The following PCDHA8 variants were observed in gnomAD, a reference collection of about 807,000 sequenced individuals.
PCDHA8 encodes protocadherin alpha-8.
In PCDHA8, 53 loss-of-function variants were observed where a neutral mutation model predicts 61.8. The observed-to-expected ratio is 0.86, with a 90% confidence interval of 0.69 to 1.08. The LOEUF (loss-of-function observed/expected upper bound fraction) is 1.08. Among genes scored for constraint, PCDHA8 ranks in the 50% least tolerant of loss-of-function variants. The pLI, the probability that PCDHA8 is intolerant of heterozygous loss-of-function variation, is 0.00. For missense variants in PCDHA8, 1,293 were observed against 1,245.0 expected (o/e 1.04, Z -0.58); for synonymous variants, 618 against 556.6 (o/e 1.11, Z -1.55).
rs2150496669 is a variant in PCDHA8 at position 140,850,740 on chromosome 5, T to A, written c.2394+7025T>A. 3.1e-6 allele frequency: 5 copies of A among 1,597,562 alleles called. 1 individual carries two copies. The highest frequency in any genetic ancestry group is 3.4e-6 in the Non-Finnish European group (4 of 1,167,476). On this transcript the variant is annotated intron_variant, in intron 1 of 3. Coordinates refer to ENST00000531613, the MANE Select transcript of PCDHA8 (RefSeq NM_018911.3). Reference sequence around the variant, plus strand: ...GTGTTCTAGCGCGGTGGGGAGTTGGTCGTACTCGCAGCAGAGGAGGCAGAG... The same window carrying A: ...GTGTTCTAGCGCGGTGGGGAGTTGGACGTACTCGCAGCAGAGGAGGCAGAG...
rs1554164208 is a variant in PCDHA8 at position 140,870,406 on chromosome 5, T to G, written c.2394+26691T>G. ...GCGGGATGGGGGTTCGCCTTCTCTG[T>G]GGGCCACGGCCAGGGTATCCGTGGA... On this transcript the variant is annotated intron_variant, in intron 1 of 3. Transcript: ENST00000531613. 1.2e-5 allele frequency: 20 copies of G among 1,614,192 alleles called. No individual in the cohort carries two copies. The highest frequency in any genetic ancestry group is 1.5e-5 in the Non-Finnish European group (18 of 1,180,034).
At chr5:140,876,532 T>C in intron 1 of PCDHA8, 4 of 1,614,158 alleles carry the variant, frequency 2.5e-6, no homozygotes, top group Middle Eastern at 1.6e-4. Context: ...AATGGTTACT[T>C]CACTGTCGCT....
At chr5:140,957,780 G>A (rs2095383354) in intron 1 of PCDHA8, among the ~76,000 whole-genome samples, 1 of 152,020 alleles carries the variant, frequency 6.6e-6, no homozygotes, top group Non-Finnish European at 1.5e-5. Context: ...TAAAAACTAA[G>A]TTCATCATAT....
At chr5:140,882,217 A>C in intron 1 of PCDHA8, 1 of 1,542,972 alleles carries the variant, frequency 6.5e-7, no homozygotes, top group Non-Finnish European at 8.7e-7. Context: ...AGACAGTTTG[A>C]GGTAAGGCGT....
chr5:140,990,984 A>G (rs1213067851), intron 3 of PCDHA8, among the ~76,000 whole-genome samples: 4 of 152,200 alleles, frequency 2.6e-5, no homozygotes, highest in Admixed American at 6.5e-5. Context: ...AAGGAAGACA[A>G]TAGCTACCAT....
intron 1 of PCDHA8, chr5:140,862,055 T>A (rs562841635): frequency 6.4e-6 from 1 of 155,712 alleles, no homozygotes; most frequent in East Asian, 1.9e-4. Context: ...ATTGTTTCTT[T>A]GCAACTGATG....
chr5:140,849,573 A>T, intron 1 of PCDHA8: 1 of 1,598,648 alleles, frequency 6.3e-7, no homozygotes. Flanking sequence ...GGTTCCTGTA[A>T]AAGAGGACGC....
intron 1 of PCDHA8, among the ~76,000 whole-genome samples, chr5:140,914,813 C>T (rs1346638828): frequency 6.6e-6 from 1 of 152,070 alleles, no homozygotes; most frequent in Non-Finnish European, 1.5e-5. Flanking sequence ...GGCAACTTAA[C>T]AGACTGCATA....
intron 1 of PCDHA8, among the ~76,000 whole-genome samples, chr5:140,895,788 G>A (rs947578940): frequency 3.9e-5 from 6 of 152,014 alleles, no homozygotes; most frequent in East Asian, 1.9e-4. Context: ...ATTCAATGAC[G>A]TATATGTACA....
At chr5:140,919,406 T>C (rs1325443914) in intron 1 of PCDHA8, among the ~76,000 whole-genome samples, 1 of 152,254 alleles carries the variant, frequency 6.6e-6, no homozygotes, top group East Asian at 1.9e-4. Flanking sequence ...CTAAAAACTC[T>C]AGACTGACAA....
At chr5:140,862,970 C>T (rs1554157323) in intron 1 of PCDHA8, 4 of 545,310 alleles carry the variant, frequency 7.3e-6, no homozygotes, top group South Asian at 5.5e-5. Context: ...GGATGCAGGC[C>T]ACTTGGTGGC....
chr5:140,919,258 A>G (rs2079053720), intron 1 of PCDHA8, among the ~76,000 whole-genome samples: 1 of 152,178 alleles, frequency 6.6e-6, no homozygotes, highest in African/African-American at 2.4e-5. Flanking sequence ...TTTGTCTGAT[A>G]TTAGTGTAGT....
At chr5:140,985,884 C>T (rs1263620553) in intron 3 of PCDHA8, among the ~76,000 whole-genome samples, 4 of 151,722 alleles carry the variant, frequency 2.6e-5, no homozygotes, top group East Asian at 3.9e-4. Context: ...GGACTACAGG[C>T]GCCCGCCACC....
At chr5:140,909,451 G>T (rs1433382775) in intron 1 of PCDHA8, among the ~76,000 whole-genome samples, 1 of 152,216 alleles carries the variant, frequency 6.6e-6, no homozygotes, top group African/African-American at 2.4e-5. Flanking sequence ...CATTCTCCAA[G>T]ATCCATCTGT....
intron 1 of PCDHA8, chr5:140,881,383 G>C: frequency 1.0e-6 from 1 of 984,330 alleles, no homozygotes; most frequent in Non-Finnish European, 1.2e-6. Flanking sequence ...AGCCGGCGGC[G>C]GTAAGTTAAA....
intron 1 of PCDHA8, among the ~76,000 whole-genome samples, chr5:140,953,962 T>C (rs2153701012): frequency 6.6e-6 from 1 of 152,196 alleles, no homozygotes; most frequent in Admixed American, 6.5e-5. Flanking sequence ...CAGGCCCCAG[T>C]GTGTGTTGTT....
At chr5:140,932,413 A>G (rs2088287956) in intron 1 of PCDHA8, among the ~76,000 whole-genome samples, 1 of 151,930 alleles carries the variant, frequency 6.6e-6, no homozygotes, top group Admixed American at 6.6e-5. Flanking sequence ...ATGTTATATT[A>G]GTGTATTGTT....
intron 1 of PCDHA8, chr5:140,856,747 T>C (rs2044175443): frequency 2.5e-6 from 4 of 1,596,640 alleles, no homozygotes; most frequent in Non-Finnish European, 3.4e-6. Context: ...TGGTGTTAGA[T>C]GCCAATGATA....
Position 140,869,973 on chromosome 5 carries a change from C to T in PCDHA8, c.2394+26258C>T, listed in dbSNP as rs782664221. The stretch of plus-strand genomic sequence containing the variant: ...TGTCAATTAAGCCCAATGGAAGACA[C>T]TTATTTACACTAGATCAAAATAATG... On this transcript the variant is annotated intron_variant, in intron 1 of 3. Coordinates refer to ENST00000531613, the MANE Select transcript of PCDHA8 (RefSeq NM_018911.3). 3.0e-5 allele frequency: 48 copies of T among 1,613,102 alleles called. No individual in the cohort carries two copies. In the East Asian group the frequency reaches 1.0e-3, roughly 34 times the overall value.
Sources: gnomAD v4.1 joint callset for allele counts (sites outside exome capture counted in the v4.1 genomes callset) on GRCh38, gnomAD v4.1.1 for gene constraint, MANE v1.5 for transcripts, NCBI Gene and HGNC (gene_info 2026-07-23, HGNC 2026-07-21) for gene names.